MRPL42: variants seen among roughly 807,000 people sequenced by gnomAD.
The protein encoded by MRPL42 is large ribosomal subunit protein mL42.
In MRPL42, 17 loss-of-function variants were observed where a neutral mutation model predicts 17.9. The observed-to-expected ratio is 0.95, with a 90% CI of 0.65 to 1.42. The LOEUF is 1.42. Ranked by LOEUF, MRPL42 falls within the 40% of genes most tolerant of loss-of-function variation. MRPL42 has a pLI of 0.00. For synonymous variants in MRPL42, 59 were observed against 54.4 expected, an observed-to-expected ratio of 1.08 and a Z score of -0.37; for missense variants, 177 against 175.2, an observed-to-expected ratio of 1.01 and a Z score of -0.06.
At chr12:93,479,931 A>G (rs544719736) in intron 4 of MRPL42, among the ~76,000 whole-genome samples, 1 of 151,308 alleles carries the variant, frequency 6.6e-6, no homozygotes, top group Non-Finnish European at 1.5e-5. Flanking sequence ...TAATGGGCCA[A>G]CATAGGTATA....
chr12:93,509,480 A>T lies in MRPL42; in HGVS notation c.*8259A>T, dbSNP rs1953705722. ...TTTTTTTTCTTAGCACTTAAAAAAG[A>T]CTTTTTGCCAGGCACAGTGGCACAT... On this transcript the variant is annotated 3_prime_UTR_variant, in exon 6 of 6. Transcript: ENST00000549982. The T allele has an allele frequency of 6.6e-6, 1 of 151,820 alleles. No individual in the cohort carries two copies. The highest frequency in any genetic ancestry group is 2.4e-5 in the African/African-American group (1 of 41,364). The allele number at this position is 151,820 out of a possible 1,614,324, so 9.4% of individuals were successfully genotyped here.
intron 5 of MRPL42, among the ~76,000 whole-genome samples, chr12:93,498,186 T>C (rs1342077333): frequency 0.041 from 77 of 1,856 alleles, no homozygotes; most frequent in Non-Finnish European, 0.078. Context: ...TCTTGTTTTG[T>C]GTACTACAGA....
Position 93,487,641 on chromosome 12 carries a change from C to A in MRPL42, c.364C>A (p.Arg122Ser), listed in dbSNP as rs183620802. 5.6e-6 allele frequency: 9 copies of A among 1,611,948 alleles called. No individual in the cohort carries two copies. The highest frequency in any genetic ancestry group is 6.8e-6 in the Non-Finnish European group (8 of 1,178,770). The change falls in exon 5 of 6, where the codon CGT (arginine) becomes AGT (serine). Residue 122 changes from arginine to serine, a missense_variant. Transcript: ENST00000549982. Reference protein sequence around the residue: ...LSKMFFTTKHRWYPHGRYHRC... With the variant: ...LSKMFFTTKHSWYPHGRYHRC... ...CAAAATGTTCTTTACTACTAAGCAC[C>A]GTTGGTATCCTCATGGACGGTAAGT...
In MRPL42 at chr12:93,510,271, A is replaced by G. The variant is rs958471560; in HGVS notation, c.*9050A>G. Reference sequence around the variant, plus strand: ...TTCCTCTATGTCTTTTCACAGTTTGATAGCTCATTTCTTTTTAGCATCGAG... The same window carrying G: ...TTCCTCTATGTCTTTTCACAGTTTGGTAGCTCATTTCTTTTTAGCATCGAG... On this transcript the variant is annotated 3_prime_UTR_variant, in exon 6 of 6. Coordinates refer to ENST00000549982, the MANE Select transcript of MRPL42 (RefSeq NM_014050.4). 6.6e-6 allele frequency: 1 copy of G among 152,240 alleles called. No individual in the cohort carries two copies. The highest frequency in any genetic ancestry group is 1.9e-4 in the East Asian group (1 of 5,184). The allele number at this position is 152,240 out of a possible 1,614,324, so 9.4% of individuals were successfully genotyped here. A position where few individuals can be genotyped will look rare whatever the true frequency, so the allele number is the denominator to read the frequency against.
Position 93,508,830 on chromosome 12 carries a change from C to T in MRPL42, c.*7609C>T, listed in dbSNP as rs1329395143. ...GATAAGCTCAATAACTGATCATTTC[C>T]TTATCAGTTTAAACCATATATATTT... On this transcript the variant is annotated 3_prime_UTR_variant, in exon 6 of 6. Coordinates refer to ENST00000549982, the MANE Select transcript of MRPL42 (RefSeq NM_014050.4). 1.3e-5 allele frequency: 2 copies of T among 152,138 alleles called. No individual in the cohort carries two copies. The highest frequency in any genetic ancestry group is 2.9e-5 in the Non-Finnish European group (2 of 68,024). The allele number at this position is 152,138 out of a possible 1,614,324, so 9.4% of individuals were successfully genotyped here.
rs1321950749 is a variant in MRPL42, at chr12:93,504,304, G to C, written c.*3083G>C. The C allele has an allele frequency of 6.5e-6, 1 of 152,916 alleles. No individual in the cohort carries two copies. The highest frequency in any genetic ancestry group is 1.5e-5 in the Non-Finnish European group (1 of 68,056). 9.5% of individuals were successfully genotyped at this position (152,916 alleles called of 1,614,324 possible). A position where few individuals can be genotyped will look rare whatever the true frequency, so the allele number is the denominator to read the frequency against. ...TTACAAGTGTGCACCACCATACTCA[G>C]GTAATTTTGCATTTTTAGTAGAGAC... On this transcript the variant is annotated 3_prime_UTR_variant, in exon 6 of 6. Coordinates refer to ENST00000549982, the MANE Select transcript of MRPL42 (RefSeq NM_014050.4).
chr12:93,503,894 G>C lies in MRPL42; in HGVS notation c.*2673G>C, dbSNP rs190412491. 21 of 151,698 alleles carry C rather than the reference G, an allele frequency of 1.4e-4. No homozygotes were observed. The highest frequency in any genetic ancestry group is 2.9e-5 in the Non-Finnish European group (2 of 67,958). 9.4% of individuals were successfully genotyped at this position (151,698 alleles called of 1,614,324 possible). A position where few individuals can be genotyped will look rare whatever the true frequency, so the allele number is the denominator to read the frequency against. On this transcript the variant is annotated 3_prime_UTR_variant, in exon 6 of 6. Transcript: ENST00000549982. ...GTCATAATTTAATTAACTCCCTGCT[G>C]TTAGACAAAATCATTGTTTCTGTTC...
chr12:93,471,804 C>T (rs1350204234), intron 2 of MRPL42, among the ~76,000 whole-genome samples: 1 of 152,136 alleles, frequency 6.6e-6, no homozygotes, highest in East Asian at 1.9e-4. Flanking sequence ...CTGCAATCAG[C>T]TTTTGATTAT....
At chr12:93,489,733 G>A (rs1198953221) in intron 5 of MRPL42, among the ~76,000 whole-genome samples, 5 of 152,004 alleles carry the variant, frequency 3.3e-5, no homozygotes, top group Admixed American at 1.3e-4. Flanking sequence ...ACAAGGTTTC[G>A]CCATGTTGGC....
chr12:93,487,849 T>G, intron 5 of MRPL42, 189 bp downstream of exon 5: 1 of 489,268 alleles, frequency 2.0e-6, no homozygotes, highest in Non-Finnish European at 3.5e-6. Context: ...CAGGCTGGAG[T>G]GCAGTGCCAC....
rs1358504630 is a variant in MRPL42, at chr12:93,510,074, A to G, written c.*8853A>G. On this transcript the variant is annotated 3_prime_UTR_variant, in exon 6 of 6. Coordinates refer to ENST00000549982, the MANE Select transcript of MRPL42 (RefSeq NM_014050.4). ...GTCATGCAGAGTCTACACTGTCCTA[A>G]AAACCCTTGGCTCTGCCTCTTCGTC... 2 of 152,334 alleles carry G rather than the reference A, an allele frequency of 1.3e-5. No homozygotes were observed. Among genetic ancestry groups the G allele is most frequent in the Non-Finnish European group, 2.9e-5 (2 of 68,066 alleles). The allele number at this position is 152,334 out of a possible 1,614,324, so 9.4% of individuals were successfully genotyped here.
intron 2 of MRPL42, among the ~76,000 whole-genome samples, chr12:93,476,543 T>C (rs1880190856): frequency 6.6e-6 from 1 of 152,184 alleles, no homozygotes; most frequent in African/African-American, 2.4e-5. Flanking sequence ...CCTGGAGTCC[T>C]TGCGCCTTTT....
At chr12:93,483,383 G>C (rs1159246973) in intron 4 of MRPL42, among the ~76,000 whole-genome samples, 1 of 152,162 alleles carries the variant, frequency 6.6e-6, no homozygotes, top group African/African-American at 2.4e-5. Context: ...CGCAAACCTA[G>C]ATGGTGTAGC....
At chr12:93,491,569 T>A (rs1461756207) in intron 5 of MRPL42, among the ~76,000 whole-genome samples, 1 of 152,256 alleles carries the variant, frequency 6.6e-6, no homozygotes, top group African/African-American at 2.4e-5. Context: ...ATGTATGTAT[T>A]TTAATAGATG....
In MRPL42 at chr12:93,469,296, C is replaced by T. The variant is rs1211025347; in HGVS notation, c.11C>T (p.Ala4Val). Residue 4 changes from alanine to valine, a missense_variant, in exon 2 of 6, where the codon GCT becomes GTT. By Grantham distance (64) the Ala-to-Val change is moderately conservative. Coordinates refer to ENST00000549982, the MANE Select transcript of MRPL42 (RefSeq NM_014050.4). Reference protein sequence around the residue: MAVAAVKWVMSKRT... With the variant: MAVVAVKWVMSKRT... ...GCATCTTGAAACACCATGGCTGTAG[C>T]TGCAGTAAAATGGGTGATGTCAAAG... 5 of 1,610,864 alleles carry T rather than the reference C, an allele frequency of 3.1e-6. No individual in the cohort carries two copies. The highest frequency in any genetic ancestry group is 4.2e-6 in the Non-Finnish European group (5 of 1,178,992).
intron 2 of MRPL42, among the ~76,000 whole-genome samples, chr12:93,474,730 T>A (rs1880078131): frequency 6.6e-6 from 1 of 152,152 alleles, no homozygotes; most frequent in Non-Finnish European, 1.5e-5. Context: ...TGCCTAGCTT[T>A]ATAAACTTCT....
In MRPL42 at chr12:93,488,060, T is replaced by A. The variant is rs1468925367; in HGVS notation, c.383+400T>A. ...ATCTCGTTTCACTGCAACCTCCACC[T>A]CCCAGGTTCAAGCGATTCTCCTGCC... On this transcript the variant is annotated intron_variant, in intron 5 of 5. Coordinates refer to ENST00000549982, the MANE Select transcript of MRPL42 (RefSeq NM_014050.4). Among the ~76,000 whole-genome samples the A allele has an allele frequency of 4.0e-5, 6 of 151,778 alleles. No individual in the cohort carries two copies. In the East Asian group the frequency reaches 1.2e-3, roughly 29 times the overall value.
intron 1 of MRPL42, among the ~76,000 whole-genome samples, chr12:93,468,495 C>T (rs893180297): frequency 2.0e-5 from 3 of 152,112 alleles, no homozygotes; most frequent in Non-Finnish European, 4.4e-5. Context: ...ACTCTAAAGT[C>T]CTTGGAAGCA....
In MRPL42 at chr12:93,505,596, A is replaced by G. The variant is rs774492879; in HGVS notation, c.*4375A>G. ...AAGATACTCCCAATTGAGCTCAGCC[A>G]TCAGCCTCCTACTATTTTTTAATGT... On this transcript the variant is annotated 3_prime_UTR_variant, in exon 6 of 6. Transcript: ENST00000549982. 2.6e-5 allele frequency: 4 copies of G among 152,200 alleles called. No homozygotes were observed. Among genetic ancestry groups the G allele is most frequent in the African/African-American group, 4.8e-5 (2 of 41,454 alleles). The allele number at this position is 152,200 out of a possible 1,614,324, so 9.4% of individuals were successfully genotyped here.
Sources: allele counts gnomAD v4.1 joint callset (sites outside exome capture counted in the v4.1 genomes callset), GRCh38; gene constraint gnomAD v4.1.1; transcripts MANE v1.5; gene names NCBI Gene and HGNC (gene_info 2026-07-23, HGNC 2026-07-21).